Variants in NBEAL2 observed in about 807,000 individuals in gnomAD.
NBEAL2 encodes neurobeachin-like protein 2.
In NBEAL2, 160 loss-of-function variants were observed where a neutral mutation model predicts 299.8. The observed-to-expected ratio is 0.53, with a 90% CI of 0.47 to 0.61. The LOEUF (loss-of-function observed/expected upper bound fraction) is 0.61. Among genes scored for constraint, NBEAL2 ranks in the 20% least tolerant of loss-of-function variants. The pLI is 0.00. For synonymous variants in NBEAL2, 1,493 were observed against 1,542.3 expected (o/e 0.97, Z 0.75); for missense variants, 3,112 against 3,649.0 (o/e 0.85, Z 3.79).
At position 46,988,864 on chromosome 3, in the gene NBEAL2, G is replaced by T. The variant is rs980655987; in HGVS notation, c.163G>T (p.Val55Phe). ...PRRPEEAGAE[V>F]PLLPLDELHV... ...CAGGCCAGAGGAGGCAGGTGCAGAG[G>T]TCCCGCTGCTACCACTGGATGAGCT... Residue 55 changes from valine (V) to phenylalanine (F), a missense_variant, in exon 3 of 54, where the codon GTC becomes TTC. Transcript: ENST00000450053. The surrounding 1 kb of genome is among the most constrained non-coding windows in gnomAD (Gnocchi z 4.4). 1.2e-6 allele frequency: 2 copies of T among 1,610,356 alleles called. No homozygotes were observed. The highest frequency in any genetic ancestry group is 2.7e-5 in the African/African-American group (2 of 74,882).
rs752268439 is a variant in NBEAL2 at position 47,007,548 on chromosome 3, C to T, written c.7358C>T (p.Pro2453Leu). The T allele has an allele frequency of 5.0e-6, 8 of 1,612,166 alleles. No individual in the cohort carries two copies. The highest frequency in any genetic ancestry group is 1.7e-5 in the Admixed American group (1 of 59,880). Residue 2453 changes from proline to leucine, a missense_variant, in exon 48 of 54, where the codon CCG becomes CTG. Transcript: ENST00000450053. Reference protein sequence around the residue: ...SHKTQRLLSGPWVPGSGVSGQ... With the variant: ...SHKTQRLLSGLWVPGSGVSGQ... ...AGGACGCAGCGACTGCTGAGTGGCC[C>T]GTGGGTGCCAGGCAGTGGTGTGAGT...
chr3:47,002,782 A>C lies in NBEAL2; in HGVS notation c.5439A>C (p.Pro1813=). The C allele has an allele frequency of 3.8e-6, 5 of 1,324,220 alleles. No homozygotes were observed. The highest frequency in any genetic ancestry group is 4.0e-6 in the Non-Finnish European group (4 of 1,008,562). The allele number at this position is 1,324,220 out of a possible 1,614,324, so 82.0% of individuals were successfully genotyped here. Residue 1813 remains proline (P), a synonymous_variant, in exon 33 of 54, where the codon CCA becomes CCC. Transcript: ENST00000450053. ...CGCTGTGGCGCCAGCTCGCCAGCCC[A>C]TGTGGGGCCTGGGCGCTGAGGTGGG... The part of the protein sequence containing the change: ...WGALWRQLAS[P]CGAWALRDTP...
intron 42 of NBEAL2, 49 bp downstream of exon 42, chr3:47,005,896 T>C: frequency 6.2e-7 from 1 of 1,612,514 alleles, no homozygotes; most frequent in Non-Finnish European, 8.5e-7. Flanking sequence ...GTTCTGAAGA[T>C]CATGGGGGGT....
In NBEAL2 at chr3:47,000,229, G is replaced by T; in HGVS notation, c.4130G>T (p.Ser1377Ile). 1 of 1,613,592 alleles carries T rather than the reference G, an allele frequency of 6.2e-7. No individual in the cohort carries two copies. The highest frequency in any genetic ancestry group is 8.5e-7 in the Non-Finnish European group (1 of 1,179,890). The change falls in exon 27 of 54, where the codon AGT becomes ATT. Residue 1377 changes from serine to isoleucine, a missense_variant. By Grantham distance (142) the Ser-to-Ile change is moderately radical. This residue lies in a region of NBEAL2 where 2,243 missense variants were observed against 2,538.1 expected (regional missense o/e 0.88). Coordinates refer to ENST00000450053, the MANE Select transcript of NBEAL2 (RefSeq NM_015175.3). The surrounding 1 kb of genome is among the most constrained non-coding windows in gnomAD (Gnocchi z 4.5). ...SGNTAGGGGS[S>I]GTLTPASQPG... is the part of the protein sequence containing the mutation. ...AACACTGCTGGTGGTGGCGGCAGCA[G>T]TGGGACTCTTACTCCAGCCAGCCAG... is the stretch of plus-strand genomic sequence containing the variant.
Position 46,999,379 on chromosome 3 carries a change from G to A in NBEAL2, c.3608G>A (p.Arg1203Gln), listed in dbSNP as rs1445857173. The A allele has an allele frequency of 1.7e-5, 28 of 1,607,198 alleles. No homozygotes were observed. The highest frequency in any genetic ancestry group is 6.7e-5 in the African/African-American group (5 of 74,784). ...CGGAGCCGCCAGCGCCTCCGGCTGC[G>A]GGAGTGTGGTCTCCAGGGTCTGGTT... ...PERSRQRLRL[R>Q]ECGLQGLVAC... The change falls in exon 25 of 54, where the codon CGG (arginine) becomes CAG (glutamine). Residue 1203 changes from arginine to glutamine, a missense_variant. Coordinates refer to ENST00000450053, the MANE Select transcript of NBEAL2 (RefSeq NM_015175.3).
In NBEAL2 at chr3:46,999,879, T is replaced by C; in HGVS notation, c.3790-10T>C. 1 of 1,602,174 alleles carries C rather than the reference T, an allele frequency of 6.2e-7. No homozygotes were observed. The highest frequency in any genetic ancestry group is 1.1e-5 in the South Asian group (1 of 90,572). Reference sequence around the variant, plus strand: ...GGATGCGTCCTCACTTGCTGTGCTCTCGCCTGCAGCTTTTCCACCTCATCT... The same window carrying C: ...GGATGCGTCCTCACTTGCTGTGCTCCCGCCTGCAGCTTTTCCACCTCATCT... On this transcript the variant is annotated splice_polypyrimidine_tract_variant and intron_variant, in intron 26 of 53. Coordinates refer to ENST00000450053, the MANE Select transcript of NBEAL2 (RefSeq NM_015175.3).
rs1473966006 is a variant in NBEAL2 at position 46,982,949 on chromosome 3, A to T, written c.51+3037A>T. Among the ~76,000 whole-genome samples, 1 of 152,140 alleles carries T rather than the reference A, an allele frequency of 6.6e-6. No individual in the cohort carries two copies. The highest frequency in any genetic ancestry group is 2.1e-4 in the South Asian group (1 of 4,838). On this transcript the variant is annotated intron_variant, in intron 1 of 53. Transcript: ENST00000450053. This position sits in a 1 kb window ranked among gnomAD's most constrained non-coding sequence, Gnocchi z 4.2. ...GGCTGGCGGTTGGGCAGCCCATAAA[A>T]GTTAATGCCACATAGCATGCAGATG... is the stretch of plus-strand genomic sequence containing the variant.
At chr3:46,994,798 G>A (rs1332361066) in intron 12 of NBEAL2, among the ~76,000 whole-genome samples, 3 of 152,196 alleles carry the variant, frequency 2.0e-5, no homozygotes, top group Non-Finnish European at 4.4e-5. Context: ...TAGGGGTTAG[G>A]CCAACCCAGG....
chr3:47,009,233 G>C lies in NBEAL2; in HGVS notation c.8178G>C (p.Gln2726His). ...AGQPSEVRSSQFARKLWRSSR... is the reference protein window; with the variant it reads ...AGQPSEVRSSHFARKLWRSSR... ...ACGCCCACCAGGTGCGCAGCAGCCA[G>C]TTCGCGCGGAAGCTGTGGCGGTCCT... is the stretch of plus-strand genomic sequence containing the variant. The change falls in exon 54 of 54, where the codon CAG becomes CAC. Residue 2726 changes from glutamine (Q) to histidine (H), a missense_variant. By Grantham distance (24) the Gln-to-His change is conservative. Transcript: ENST00000450053. The C allele has an allele frequency of 6.3e-7, 1 of 1,598,920 alleles. No homozygotes were observed. Among genetic ancestry groups the C allele is most frequent in the Non-Finnish European group, 8.5e-7 (1 of 1,174,260 alleles).
rs1351843250 is a variant in NBEAL2, at chr3:47,009,220, T to A, written c.8165T>A (p.Val2722Glu). ...IVVVAGQPSE[V>E]RSSQFARKLW... ...CTACTCAACCCTTACGCCCACCAGG[T>A]GCGCAGCAGCCAGTTCGCGCGGAAG... is the stretch of plus-strand genomic sequence containing the variant. Residue 2722 changes from valine to glutamate, a missense_variant and splice_region_variant, in exon 54 of 54, where the codon GTG (valine) becomes GAG (glutamate). This residue lies in a region of NBEAL2 where 348 missense variants were observed against 381.4 expected (regional missense o/e 0.91). Transcript: ENST00000450053. 2.5e-6 allele frequency: 4 copies of A among 1,593,232 alleles called. No homozygotes were observed. The Admixed American group carries it at 6.9e-5, about 28-fold the overall frequency.
intron 1 of NBEAL2, among the ~76,000 whole-genome samples, chr3:46,986,520 T>TG (rs771324358): frequency 1.2e-4 from 18 of 152,248 alleles, no homozygotes; most frequent in South Asian, 6.2e-4. Context: ...TGAGCCTTTA[T>TG]GGGGAGGGGT....
chr3:47,006,092 G>A, intron 43 of NBEAL2, 29 bp downstream of exon 43: 1 of 1,612,974 alleles, frequency 6.2e-7, no homozygotes, highest in Non-Finnish European at 8.5e-7. Context: ...TCCAGTCAGG[G>A]CCAGGACAAG....
chr3:47,008,191 G>C lies in NBEAL2; in HGVS notation c.7719+5G>C. ...ATGGCTGTGTCTGGATCTGAGGTGT[G>C]TGTATGCATGTGCCCTGGGGAGGGT... On this transcript the variant is annotated splice_donor_5th_base_variant and intron_variant, in intron 50 of 53. Coordinates refer to ENST00000450053, the MANE Select transcript of NBEAL2 (RefSeq NM_015175.3). 6.2e-7 allele frequency: 1 copy of C among 1,613,922 alleles called. No individual in the cohort carries two copies. The highest frequency in any genetic ancestry group is 8.5e-7 in the Non-Finnish European group (1 of 1,179,840).
At chr3:46,980,554 A>G (rs1007279669) in intron 1 of NBEAL2, among the ~76,000 whole-genome samples, 1 of 151,598 alleles carries the variant, frequency 6.6e-6, no homozygotes, top group East Asian at 2.0e-4. Flanking sequence ...GGAGCAGAAG[A>G]AAAGGTTTTC....
chr3:46,994,944 T>C, intron 12 of NBEAL2, 88 bp from the exon 13 acceptor site: 5 of 1,458,518 alleles, frequency 3.4e-6, no homozygotes, highest in Non-Finnish European at 3.6e-6. Flanking sequence ...TGCTGACTGC[T>C]GCCGTAGGCA....
chr3:46,985,287 C>T (rs953486613), intron 1 of NBEAL2, among the ~76,000 whole-genome samples: 3 of 152,158 alleles, frequency 2.0e-5, no homozygotes, highest in South Asian at 2.1e-4. Context: ...CTGATCAAGC[C>T]GTGATGGTGA....
chr3:47,004,789 C>G lies in NBEAL2; in HGVS notation c.6295-183C>G. 9.1e-7 allele frequency: 1 copy of G among 1,096,056 alleles called. No homozygotes were observed. The highest frequency in any genetic ancestry group is 1.3e-6 in the Non-Finnish European group (1 of 760,670). 67.9% of individuals were successfully genotyped at this position (1,096,056 alleles called of 1,614,324 possible). A position where few individuals can be genotyped will look rare whatever the true frequency, so the allele number is the denominator to read the frequency against. ...CTCCCTTCCCCTCCCTGCCTAGCCT[C>G]TATTCCTCAAAAGGAATCCTGTTCC... On this transcript the variant is annotated intron_variant, in intron 38 of 53. Transcript: ENST00000450053. This position sits in a 1 kb window ranked among gnomAD's most constrained non-coding sequence, Gnocchi z 5.0.
chr3:47,002,155 A>G lies in NBEAL2; in HGVS notation c.5018A>G (p.Asp1673Gly). ...WLVPLVRTLL[D>G]RAYEPLGLQW... Reference sequence around the variant, plus strand: ...GTGCCACTGGTGCGCACGCTGCTAGACCGTGCCTATGAGCCGCTGGGGCTG... The same window carrying G: ...GTGCCACTGGTGCGCACGCTGCTAGGCCGTGCCTATGAGCCGCTGGGGCTG... The change falls in exon 31 of 54, where the codon GAC becomes GGC. Residue 1673 changes from aspartate to glycine, a missense_variant. Asp to Gly is a moderately conservative substitution (Grantham distance 94, BLOSUM62 -1). This residue lies in a region of NBEAL2 where 2,243 missense variants were observed against 2,538.1 expected (regional missense o/e 0.88). Transcript: ENST00000450053. The G allele has an allele frequency of 6.5e-7, 1 of 1,542,384 alleles. No homozygotes were observed. The highest frequency in any genetic ancestry group is 1.2e-5 in the South Asian group (1 of 84,040).
At chr3:46,992,588 C>G (rs769891573) in intron 10 of NBEAL2, 33 bp downstream of exon 10, 1 of 1,538,464 alleles carries the variant, frequency 6.5e-7, no homozygotes, top group Non-Finnish European at 8.8e-7. Context: ...CTCAGACACC[C>G]CCTGGGACTC....
Sources: gnomAD v4.1 joint callset for allele counts (sites outside exome capture counted in the v4.1 genomes callset) on GRCh38, gnomAD v4.1.1 for gene constraint, gnomAD v4.1.1 regional missense constraint, Gnocchi (gnomAD v3.1) non-coding constraint, MANE v1.5 for transcripts, NCBI Gene and HGNC (gene_info 2026-07-23, HGNC 2026-07-21) for gene names.